NFYC: variants seen among roughly 807,000 people sequenced by gnomAD.
NFYC encodes the protein nuclear transcription factor Y subunit gamma, also known as CAAT box DNA-binding protein subunit C.
In NFYC, 25 loss-of-function variants were observed where a neutral mutation model predicts 53.1. That is an observed-to-expected ratio of 0.47 (90% confidence interval 0.34 to 0.66). NFYC has a LOEUF of 0.66. NFYC is among the 30% of genes least tolerant of loss of function. The pLI is 0.01. For missense variants in NFYC, 260 were observed against 422.7 expected, an observed-to-expected ratio of 0.62 and a Z score of 3.38; for synonymous variants, 145 against 152.6, an observed-to-expected ratio of 0.95 and a Z score of 0.37.
chr1:40,706,468 C>T (rs915166574), intron 1 of NFYC, among the ~76,000 whole-genome samples: 1 of 152,080 alleles, frequency 6.6e-6, no homozygotes, highest in Non-Finnish European at 1.5e-5. Context: ...AATCTCTGCA[C>T]ATGTCAAGGA....
At chr1:40,729,413 GC>G (rs1032095966) in intron 1 of NFYC, among the ~76,000 whole-genome samples, 1 of 152,144 alleles carries the variant, frequency 6.6e-6, no homozygotes, top group Non-Finnish European at 1.5e-5. Flanking sequence ...TTCTTCTGCA[GC>G]CCCCTCACCT....
intron 7 of NFYC, among the ~76,000 whole-genome samples, chr1:40,765,040 C>A (rs1451499776): frequency 6.6e-6 from 1 of 152,154 alleles, no homozygotes; most frequent in Non-Finnish European, 1.5e-5. Flanking sequence ...ATCTTGTGAT[C>A]CCTGGCTGGA....
chr1:40,726,638 A>C (rs1035402868), intron 1 of NFYC, among the ~76,000 whole-genome samples: 1 of 151,774 alleles, frequency 6.6e-6, no homozygotes, highest in African/African-American at 2.4e-5. Context: ...TGATGTCTCA[A>C]ACTCCTGGGC....
intron 7 of NFYC, chr1:40,763,431 C>T: frequency 4.4e-6 from 2 of 454,092 alleles, no homozygotes; most frequent in South Asian, 1.6e-5. Flanking sequence ...ACTGCAGCTT[C>T]CGCCTCCCAG....
At chr1:40,729,698 C>T (rs1175007679) in intron 1 of NFYC, among the ~76,000 whole-genome samples, 3 of 151,006 alleles carry the variant, frequency 2.0e-5, no homozygotes, top group East Asian at 3.9e-4. Flanking sequence ...TTTTTTGAAC[C>T]GGAGTCTTGC....
At chr1:40,729,495 G>T (rs1458488191) in intron 1 of NFYC, among the ~76,000 whole-genome samples, 2 of 152,138 alleles carry the variant, frequency 1.3e-5, no homozygotes, top group African/African-American at 4.8e-5. Context: ...GGAATGTTGT[G>T]GTTGGTTTGA....
At chr1:40,769,288 T>G in intron 8 of NFYC, 68 bp from the exon 9 acceptor site, 2 of 1,501,038 alleles carry the variant, frequency 1.3e-6, no homozygotes, top group Non-Finnish European at 1.9e-6. Flanking sequence ...TGACCCTCTT[T>G]TGGGTGGTGG....
intron 1 of NFYC, among the ~76,000 whole-genome samples, chr1:40,736,424 A>G (rs1005642081): frequency 5.3e-5 from 8 of 152,214 alleles, no homozygotes; most frequent in Non-Finnish European, 1.0e-4. Flanking sequence ...ATGTATCCAC[A>G]TGGAGCCTGG....
rs1271050061 is a variant in NFYC, at chr1:40,747,249, A to AG, written c.106-285_106-284insG. Among the ~76,000 whole-genome samples, 50 of 151,438 alleles carry AG rather than the reference A, an allele frequency of 3.3e-4. 2 individuals carry two copies. On this transcript the variant is annotated intron_variant, in intron 2 of 9. Transcript: ENST00000447388. ...TCCCTCTATGTTGTGCTGACGAAAA[A>AG]AAAAAAAAAACAGATATTGCTTGGG...
In NFYC at chr1:40,763,026, G is replaced by A; in HGVS notation, c.700G>A (p.Gly234Arg). ...QVMQQIITNTGEIQQIPVQLN... is the reference protein window; with the variant it reads ...QVMQQIITNTREIQQIPVQLN... ...GATGCAGCAGATCATCACTAACACAGGAGAGATCCAGCAGATCCCGGTGAG... is the reference window on the plus strand; with the variant it reads ...GATGCAGCAGATCATCACTAACACAAGAGAGATCCAGCAGATCCCGGTGAG... The change falls in exon 7 of 10, where the codon GGA becomes AGA. Residue 234 changes from glycine to arginine, a missense_variant. Physicochemically the swap from Gly to Arg is moderately radical, Grantham distance 125. Coordinates refer to ENST00000447388, the MANE Select transcript of NFYC (RefSeq NM_014223.5). 6.2e-7 allele frequency: 1 copy of A among 1,604,352 alleles called. No individual in the cohort carries two copies. The highest frequency in any genetic ancestry group is 8.5e-7 in the Non-Finnish European group (1 of 1,174,434).
chr1:40,729,498 T>C (rs952744293), intron 1 of NFYC, among the ~76,000 whole-genome samples: 2 of 152,210 alleles, frequency 1.3e-5, no homozygotes, highest in African/African-American at 4.8e-5. Context: ...ATGTTGTGGT[T>C]GGTTTGATCT....
intron 1 of NFYC, among the ~76,000 whole-genome samples, chr1:40,715,429 A>T (rs1205552630): frequency 6.6e-6 from 1 of 151,454 alleles, no homozygotes; most frequent in African/African-American, 2.4e-5. Context: ...TTTCCTGTAG[A>T]AATGGAGTCT....
chr1:40,721,061 C>T (rs4570418), intron 1 of NFYC, among the ~76,000 whole-genome samples: 9 of 151,764 alleles, frequency 5.9e-5, no homozygotes, highest in African/African-American at 2.2e-4. Flanking sequence ...AATATGCCCC[C>T]TAAAAAAAGA....
chr1:40,765,064 C>G (rs1365377131), intron 7 of NFYC, among the ~76,000 whole-genome samples: 1 of 152,178 alleles, frequency 6.6e-6, no homozygotes, highest in African/African-American at 2.4e-5. Context: ...CTGGGGACTC[C>G]TGGAACTAGC....
chr1:40,765,834 A>T (rs1646785709), intron 7 of NFYC, among the ~76,000 whole-genome samples: 1 of 152,184 alleles, frequency 6.6e-6, no homozygotes, highest in Non-Finnish European at 1.5e-5. Context: ...TAAGAGCCTG[A>T]GTTAAGGCTT....
chr1:40,747,667 C>T lies in NFYC; in HGVS notation c.177+62C>T, dbSNP rs1645683328. ...GCTAAGTGATGGGTAGGTTATTGCT[C>T]ATTTCTCTAGAGCTCAAAGTTTAAT... On this transcript the variant is annotated intron_variant, in intron 3 of 9. Coordinates refer to ENST00000447388, the MANE Select transcript of NFYC (RefSeq NM_014223.5). 1.3e-5 allele frequency: 14 copies of T among 1,080,240 alleles called. No individual in the cohort carries two copies. The Admixed American group carries it at 2.4e-4, about 19-fold the overall frequency. 66.9% of individuals were successfully genotyped at this position (1,080,240 alleles called of 1,614,324 possible). A position where few individuals can be genotyped will look rare whatever the true frequency, so the allele number is the denominator to read the frequency against.
intron 8 of NFYC, 39 bp downstream of exon 8, chr1:40,766,742 A>G: frequency 6.3e-7 from 1 of 1,587,484 alleles, no homozygotes; most frequent in Non-Finnish European, 8.7e-7. Flanking sequence ...GTTGGAGACC[A>G]GGAGCAGATG....
At chr1:40,708,868 A>G (rs1039877881) in intron 1 of NFYC, among the ~76,000 whole-genome samples, 1 of 152,184 alleles carries the variant, frequency 6.6e-6, no homozygotes. Context: ...CCTTGTGCAC[A>G]TTGCTTCTCT....
intron 1 of NFYC, among the ~76,000 whole-genome samples, chr1:40,693,839 T>C (rs1642977928): frequency 6.6e-6 from 1 of 152,248 alleles, no homozygotes; most frequent in Non-Finnish European, 1.5e-5. Context: ...GTTTAGAGTG[T>C]ATAAAATGGA....
Sources: gnomAD v4.1 joint callset for allele counts (sites outside exome capture counted in the v4.1 genomes callset) on GRCh38, gnomAD v4.1.1 for gene constraint, MANE v1.5 for transcripts, NCBI Gene and HGNC (gene_info 2026-07-23, HGNC 2026-07-21) for gene names.